Variants in UXS1 observed in about 807,000 individuals in gnomAD.
UXS1 encodes the protein UDP-glucuronic acid decarboxylase 1.
A neutral mutation model predicts 62.6 loss-of-function variants in UXS1; 33 were observed. That is an observed-to-expected ratio of 0.53 (90% CI 0.40 to 0.70). UXS1 has a LOEUF of 0.70. Among genes scored for constraint, UXS1 ranks in the 30% least tolerant of loss-of-function variants. The pLI, the probability that UXS1 is intolerant of heterozygous loss-of-function variation, is 0.00. For missense variants in UXS1, 434 were observed against 556.3 expected (o/e 0.78, Z 2.21); for synonymous variants, 213 against 206.8 (o/e 1.03, Z -0.26).
At chr2:106,111,277 C>T (rs1008931754) in intron 10 of UXS1, among the ~76,000 whole-genome samples, 1 of 152,122 alleles carries the variant, frequency 6.6e-6, no homozygotes, top group Admixed American at 6.5e-5. Context: ...AGGAGAAGAG[C>T]CATGTGTAGT....
At position 106,096,803 on chromosome 2, in the gene UXS1, T is replaced by G. The variant is rs748900144; in HGVS notation, c.1061A>C (p.Gln354Pro). 1 of 1,589,350 alleles carries G rather than the reference T, an allele frequency of 6.3e-7. No homozygotes were observed. The highest frequency in any genetic ancestry group is 2.3e-5 in the East Asian group (1 of 44,262). ...KNLVGSGSEI[Q>P]FLSEAQDDPQ... Reference sequence around the variant, plus strand: ...GTCATCCTGGGCTTCGGAGAGAAACTGAATTTCACTTCCGCTACCTGAGAT... The same window carrying G: ...GTCATCCTGGGCTTCGGAGAGAAACGGAATTTCACTTCCGCTACCTGAGAT... Residue 354 changes from glutamine (Q) to proline (P), a missense_variant, in exon 14 of 15, where the codon CAG (glutamine) becomes CCG (proline). By Grantham distance (76) the Gln-to-Pro change is moderately conservative. Transcript: ENST00000283148.
intron 10 of UXS1, among the ~76,000 whole-genome samples, chr2:106,111,425 A>C (rs1230294738): frequency 3.3e-5 from 5 of 152,234 alleles, no homozygotes; most frequent in Admixed American, 3.3e-4. Context: ...AAACTCAGCT[A>C]TACAATGCAG....
intron 1 of UXS1, among the ~76,000 whole-genome samples, chr2:106,188,593 C>T (rs924884398): frequency 1.3e-5 from 2 of 152,236 alleles, no homozygotes; most frequent in Non-Finnish European, 2.9e-5. Flanking sequence ...CTACAGCCCT[C>T]GCTCACTGGG....
At position 106,104,225 on chromosome 2, in the gene UXS1, T is replaced by G. The variant is rs1002293149; in HGVS notation, c.923+569A>C. On this transcript the variant is annotated intron_variant, in intron 11 of 14. Coordinates refer to ENST00000283148, the MANE Select transcript of UXS1 (RefSeq NM_001253875.2). ...TCCTAACTACTCTGAGAATCCACAC[T>G]GCCTTCTAAAATTAATCACCAACGG... is the stretch of plus-strand genomic sequence containing the variant. Among the ~76,000 whole-genome samples, 9 of 152,342 alleles carry G rather than the reference T, an allele frequency of 5.9e-5. No individual in the cohort carries two copies. In the South Asian group the frequency reaches 1.9e-3, roughly 32 times the overall value.
At chr2:106,157,946 G>T in intron 5 of UXS1, 112 bp downstream of exon 5, 1 of 926,194 alleles carries the variant, frequency 1.1e-6, no homozygotes, top group Non-Finnish European at 1.6e-6. Flanking sequence ...CATACTATAA[G>T]CCACTGAATC....
chr2:106,112,648 T>C lies in UXS1; in HGVS notation c.877A>G (p.Thr293Ala). The C allele has an allele frequency of 6.2e-7, 1 of 1,613,886 alleles. No homozygotes were observed. The highest frequency in any genetic ancestry group is 8.5e-7 in the Non-Finnish European group (1 of 1,179,838). The change falls in exon 10 of 15, where the codon ACG becomes GCG. Residue 293 changes from threonine to alanine, a missense_variant and splice_region_variant. Around this residue, in one of 3 missense-constraint regions of UXS1, gnomAD observed 209 missense variants for 233.3 expected, o/e 0.90. Coordinates refer to ENST00000283148, the MANE Select transcript of UXS1 (RefSeq NM_001253875.2). ...ILQALQGEPL[T>A]VYGSGSQTRA... The stretch of plus-strand genomic sequence containing the variant: ...CCTGAGCCGAGGCCAGCACCTACCG[T>C]GAGTGGCTCCCCCTGGAGCGCCTGC...
intron 1 of UXS1, among the ~76,000 whole-genome samples, chr2:106,192,562 A>G (rs990013116): frequency 6.6e-6 from 1 of 152,276 alleles, no homozygotes; most frequent in Admixed American, 6.5e-5. Flanking sequence ...TCTCAAAAAA[A>G]AAAAAAAAAC....
chr2:106,116,416 G>A (rs1288313060), intron 9 of UXS1, among the ~76,000 whole-genome samples: 1 of 152,074 alleles, frequency 6.6e-6, no homozygotes, highest in African/African-American at 2.4e-5. Context: ...TCTACAACTC[G>A]AGATGGCCAT....
chr2:106,103,271 G>A (rs188417484), intron 11 of UXS1, among the ~76,000 whole-genome samples: 5 of 152,346 alleles, frequency 3.3e-5, no homozygotes, highest in Admixed American at 3.3e-4. Context: ...GAGATAATGA[G>A]AGCAGAAAGA....
At chr2:106,148,311 C>A (rs1401674060) in intron 5 of UXS1, among the ~76,000 whole-genome samples, 1 of 152,224 alleles carries the variant, frequency 6.6e-6, no homozygotes, top group Non-Finnish European at 1.5e-5. Context: ...TTCATTTTAT[C>A]TTCACGTTAT....
rs184717717 is a variant in UXS1, at chr2:106,104,588, G to A, written c.923+206C>T. ...AGTAAAAGATTAGCACATGAGTCAC[G>A]ATAGTCATGGAGATGAATGCAAATT... is the stretch of plus-strand genomic sequence containing the variant. On this transcript the variant is annotated intron_variant, in intron 11 of 14. Coordinates refer to ENST00000283148, the MANE Select transcript of UXS1 (RefSeq NM_001253875.2). 5.3e-5 allele frequency among the ~76,000 whole-genome samples: 8 copies of A among 152,346 alleles called. No individual in the cohort carries two copies. The South Asian group carries it at 1.0e-3, about 20-fold the overall frequency.
At chr2:106,174,755 G>A (rs1171467098) in intron 1 of UXS1, among the ~76,000 whole-genome samples, 1 of 152,214 alleles carries the variant, frequency 6.6e-6, no homozygotes. Flanking sequence ...GGCCTTTTAT[G>A]TTGGTTCTAA....
At chr2:106,161,103 T>C (rs1032513993) in intron 4 of UXS1, among the ~76,000 whole-genome samples, 13 of 140,098 alleles carry the variant, frequency 9.3e-5, no homozygotes, top group South Asian at 9.2e-4. Flanking sequence ...GTGGGTGCCG[T>C]TGGCTGGGCC....
At chr2:106,100,335 T>TG (rs1677488656) in intron 12 of UXS1, among the ~76,000 whole-genome samples, 4 of 152,180 alleles carry the variant, frequency 2.6e-5, no homozygotes, top group African/African-American at 7.2e-5. Flanking sequence ...GGAGGCAGCT[T>TG]AGGGGGTAGG....
At chr2:106,100,967 G>A (rs1266072773) in intron 12 of UXS1, 91 bp downstream of exon 12, 2 of 1,490,172 alleles carry the variant, frequency 1.3e-6, no homozygotes, top group African/African-American at 2.8e-5. Context: ...TGTGCCGATG[G>A]CAAATGAAGC....
At chr2:106,157,390 G>A (rs1251920559) in intron 5 of UXS1, among the ~76,000 whole-genome samples, 1 of 152,168 alleles carries the variant, frequency 6.6e-6, no homozygotes, top group Non-Finnish European at 1.5e-5. Flanking sequence ...ATTAGCCAAG[G>A]ATACCCCTGG....
intron 12 of UXS1, among the ~76,000 whole-genome samples, chr2:106,099,910 T>C (rs913205970): frequency 1.1e-4 from 17 of 152,338 alleles, no homozygotes; most frequent in African/African-American, 4.1e-4. Flanking sequence ...GGCAATTCTT[T>C]CCTACGTGAT....
intron 5 of UXS1, among the ~76,000 whole-genome samples, chr2:106,149,943 T>C (rs991052913): frequency 2.6e-5 from 4 of 152,142 alleles, no homozygotes; most frequent in African/African-American, 7.2e-5. Context: ...TGTGGAAATA[T>C]GGACAGTAAA....
At chr2:106,182,196 G>A (rs1344239839) in intron 1 of UXS1, among the ~76,000 whole-genome samples, 1 of 152,154 alleles carries the variant, frequency 6.6e-6, no homozygotes, top group African/African-American at 2.4e-5. Flanking sequence ...GGCCACAGTG[G>A]AAAAATAATT....
Sources: gnomAD v4.1 joint callset for allele counts (sites outside exome capture counted in the v4.1 genomes callset) on GRCh38, gnomAD v4.1.1 for gene constraint, gnomAD v4.1.1 regional missense constraint, MANE v1.5 for transcripts, NCBI Gene and HGNC (gene_info 2026-07-23, HGNC 2026-07-21) for gene names.